The following OR5B2 variants were observed in gnomAD, a reference collection of about 807,000 sequenced individuals.
OR5B2 encodes olfactory receptor 5B2.
For missense variants in OR5B2, 411 were observed against 367.0 expected, an observed-to-expected ratio of 1.12 and a Z score of -0.98; for synonymous variants, 163 against 140.8, an observed-to-expected ratio of 1.16 and a Z score of -1.11.
chr11:58,422,851 A>G lies in OR5B2; in HGVS notation c.411T>C (p.Ser137=). 1.2e-6 allele frequency: 2 copies of G among 1,613,754 alleles called. No individual in the cohort carries two copies. Among genetic ancestry groups the G allele is most frequent in the South Asian group, 1.1e-5 (1 of 91,066 alleles). ...PLHYTTTMTA[S]VGACLALGSY... ...AGCCTAGGGCCAGACAGGCACCTAC[A>G]CTGGCCGTCATGGTGGTGGTGTAGT... The change falls in exon 3 of 3, where the codon AGT becomes AGC. Residue 137 remains serine (S), a synonymous_variant. Coordinates refer to ENST00000641342, the MANE Select transcript of OR5B2 (RefSeq NM_001005566.3).
chr11:58,423,874 A>T (rs1018506574), intron 2 of OR5B2, among the ~76,000 whole-genome samples: 2 of 152,154 alleles, frequency 1.3e-5, no homozygotes, highest in East Asian at 1.9e-4. Context: ...ACAATTACTC[A>T]TTGTCTTTGT....
In OR5B2 at chr11:58,421,911, A is replaced by C. The variant is rs1376912052; in HGVS notation, c.*421T>G. Reference sequence around the variant, plus strand: ...TTAATTACTTACATCCTTTATATAAAAACTAGCCACACTCCATTTACTTCT... The same window carrying C: ...TTAATTACTTACATCCTTTATATAACAACTAGCCACACTCCATTTACTTCT... On this transcript the variant is annotated 3_prime_UTR_variant, in exon 3 of 3. Transcript: ENST00000641342. The C allele has an allele frequency of 6.4e-6, 1 of 155,662 alleles. No homozygotes were observed. Among genetic ancestry groups the C allele is most frequent in the Non-Finnish European group, 1.4e-5 (1 of 70,274 alleles). The allele number at this position is 155,662 out of a possible 1,614,324, so 9.6% of individuals were successfully genotyped here. A position where few individuals can be genotyped will look rare whatever the true frequency, so the allele number is the denominator to read the frequency against.
rs749793375 is a variant in OR5B2 at position 58,422,797 on chromosome 11, T to C, written c.465A>G (p.Ser155=). ...GACTGAATATGCCCCCAATGTGGAA[T>C]GAGGCATTTAGGAAGCCACAGACAT... ...GSYVCGFLNA[S]FHIGGIFSLS... Residue 155 remains serine (S), a synonymous_variant, in exon 3 of 3, where the codon TCA becomes TCG. Transcript: ENST00000641342. 6.2e-7 allele frequency: 1 copy of C among 1,613,802 alleles called. No individual in the cohort carries two copies. Among genetic ancestry groups the C allele is most frequent in the South Asian group, 1.1e-5 (1 of 91,072 alleles).
intron 2 of OR5B2, among the ~76,000 whole-genome samples, chr11:58,423,837 T>C (rs1855310423): frequency 6.6e-6 from 1 of 152,182 alleles, no homozygotes; most frequent in Admixed American, 6.5e-5. Context: ...AAATTGAATC[T>C]AAATCAGATT....
intron 2 of OR5B2, among the ~76,000 whole-genome samples, chr11:58,425,116 T>C (rs554521129): frequency 2.3e-4 from 35 of 152,224 alleles, no homozygotes; most frequent in Admixed American, 2.0e-3. Flanking sequence ...CAATTCTGTA[T>C]GCATCTTGCT....
chr11:58,422,742 G>A lies in OR5B2; in HGVS notation c.520C>T (p.His174Tyr), dbSNP rs1855291941. ...ACTGCTGGAACATCACAGAAAAAGT[G>A]ATGTACCAGATTGGATTTACAGAAA... Reference protein sequence around the residue: ...LSFCKSNLVHHFFCDVPAVMA... With the variant: ...LSFCKSNLVHYFFCDVPAVMA... Residue 174 changes from histidine (H) to tyrosine (Y), a missense_variant, in exon 3 of 3, where the codon CAC becomes TAC. Transcript: ENST00000641342. 1.2e-6 allele frequency: 2 copies of A among 1,613,828 alleles called. No individual in the cohort carries two copies. Among genetic ancestry groups the A allele is most frequent in the East Asian group, 4.5e-5 (2 of 44,854 alleles).
At chr11:58,425,056 A>G (rs1292203192) in intron 2 of OR5B2, among the ~76,000 whole-genome samples, 2 of 152,120 alleles carry the variant, frequency 1.3e-5, no homozygotes, top group Non-Finnish European at 2.9e-5. Flanking sequence ...CTTCACAATG[A>G]GCATTAGATT....
chr11:58,422,705 G>C lies in OR5B2; in HGVS notation c.557C>G (p.Ser186Cys). Residue 186 changes from serine to cysteine, a missense_variant, in exon 3 of 3, where the codon TCT (serine) becomes TGT (cysteine). Ser to Cys is a moderately radical substitution (Grantham distance 112). Transcript: ENST00000641342. ...FCDVPAVMAL[S>C]CSDKHTSEVI... The stretch of plus-strand genomic sequence containing the variant: ...CTCACTAGTGTGTTTATCAGAGCAA[G>C]ACAGAGCCATGACTGCTGGAACATC... The C allele has an allele frequency of 6.2e-7, 1 of 1,613,802 alleles. No homozygotes were observed. Among genetic ancestry groups the C allele is most frequent in the Non-Finnish European group, 8.5e-7 (1 of 1,179,858 alleles).
At chr11:58,426,996 T>TGAAATAATATACCAGTGTGAAAAA (rs1265987107) in intron 1 of OR5B2, among the ~76,000 whole-genome samples, 1 of 151,944 alleles carries the variant, frequency 6.6e-6, no homozygotes, top group Non-Finnish European at 1.5e-5. Context: ...TAAGGCCACT[T>TGAAATAATATACCAGTGTGAAAAA]AGTACAATGG....
intron 2 of OR5B2, among the ~76,000 whole-genome samples, chr11:58,426,132 AAGC>A (rs1489325828): frequency 6.6e-6 from 1 of 151,692 alleles, no homozygotes; most frequent in Non-Finnish European, 1.5e-5. Flanking sequence ...ATGTTCTTCT[AAGC>A]ACATGGATTT....
At chr11:58,424,528 C>T (rs1855316695) in intron 2 of OR5B2, among the ~76,000 whole-genome samples, 1 of 152,076 alleles carries the variant, frequency 6.6e-6, no homozygotes, top group Non-Finnish European at 1.5e-5. Context: ...TTTACTTAAA[C>T]TCATGCTTTT....
Position 58,422,833 on chromosome 11 carries a change from G to T in OR5B2, c.429C>A (p.Ala143=). ...GGAAGCCACAGACATATGAGCCTAG[G>T]GCCAGACAGGCACCTACACTGGCCG... ...TMTASVGACL[A]LGSYVCGFLN... Residue 143 remains alanine (A), a synonymous_variant, in exon 3 of 3, where the codon GCC becomes GCA. Coordinates refer to ENST00000641342, the MANE Select transcript of OR5B2 (RefSeq NM_001005566.3). 2 of 1,613,728 alleles carry T rather than the reference G, an allele frequency of 1.2e-6. No homozygotes were observed. The highest frequency in any genetic ancestry group is 1.7e-6 in the Non-Finnish European group (2 of 1,179,842).
At position 58,423,152 on chromosome 11, in the gene OR5B2, A is replaced by G. The variant is rs1268095539; in HGVS notation, c.110T>C (p.Leu37Pro). ...CAACATCATCCCCAGGTTCCCACACAGAGTGAGGAGGTAGATGAAGGTGAA... is the reference window on the plus strand; with the variant it reads ...CAACATCATCCCCAGGTTCCCACACGGAGTGAGGAGGTAGATGAAGGTGAA... Reference protein sequence around the residue: ...ILFTFIYLLTLCGNLGMMLLI... With the variant: ...ILFTFIYLLTPCGNLGMMLLI... Residue 37 changes from leucine to proline, a missense_variant, in exon 3 of 3, where the codon CTG (leucine) becomes CCG (proline). Transcript: ENST00000641342. 6.2e-7 allele frequency: 1 copy of G among 1,613,696 alleles called. No individual in the cohort carries two copies. The highest frequency in any genetic ancestry group is 1.1e-5 in the South Asian group (1 of 91,066).
chr11:58,424,076 C>T (rs1248250035), intron 2 of OR5B2, among the ~76,000 whole-genome samples: 1 of 152,176 alleles, frequency 6.6e-6, no homozygotes, highest in East Asian at 1.9e-4. Flanking sequence ...GCCTAGGCAG[C>T]ATTGGTCCCA....
chr11:58,427,417 G>A (rs944839021), intron 1 of OR5B2, among the ~76,000 whole-genome samples: 5 of 152,120 alleles, frequency 3.3e-5, no homozygotes, highest in African/African-American at 7.2e-5. Flanking sequence ...TGTAAGTTTC[G>A]TTGGCCGATG....
chr11:58,423,450 C>A, intron 2 of OR5B2, 161 bp from the exon 3 acceptor site: 1 of 457,192 alleles, frequency 2.2e-6, no homozygotes, highest in Non-Finnish European at 3.8e-6. Context: ...GCATTATCTA[C>A]AGAGTTGTAA....
intron 2 of OR5B2, among the ~76,000 whole-genome samples, chr11:58,426,209 T>C (rs980815117): frequency 9.9e-5 from 15 of 152,028 alleles, no homozygotes; most frequent in Non-Finnish European, 5.9e-5. Context: ...GGGATACATG[T>C]ACAGGCTTGT....
rs1278573546 is a variant in OR5B2, at chr11:58,422,395, G to A, written c.867C>T (p.Ser289=). 2.6e-5 allele frequency: 42 copies of A among 1,613,362 alleles called. No individual in the cohort carries two copies. The Admixed American group carries it at 6.2e-4, about 24-fold the overall frequency. The part of the protein sequence containing the change: ...IIPMLNPVVY[S]LRNREVQNAF... ...CATTCTGGACTTCTCTGTTCCTCAGGCTGTAGACCACAGGGTTCAGCATGG... is the reference window on the plus strand; with the variant it reads ...CATTCTGGACTTCTCTGTTCCTCAGACTGTAGACCACAGGGTTCAGCATGG... The change falls in exon 3 of 3, where the codon AGC becomes AGT. Residue 289 remains serine, a synonymous_variant. Coordinates refer to ENST00000641342, the MANE Select transcript of OR5B2 (RefSeq NM_001005566.3).
chr11:58,425,956 T>C (rs188974625), intron 2 of OR5B2, among the ~76,000 whole-genome samples: 4 of 152,258 alleles, frequency 2.6e-5, no homozygotes, highest in Admixed American at 2.0e-4. Context: ...AGCCTCTGAA[T>C]AGCCTGTGCA....
Sources: gnomAD v4.1 joint callset for allele counts (sites outside exome capture counted in the v4.1 genomes callset) on GRCh38, gnomAD v4.1.1 for gene constraint, MANE v1.5 for transcripts, NCBI Gene and HGNC (gene_info 2026-07-23, HGNC 2026-07-21) for gene names.